EYS: variants seen among roughly 807,000 people sequenced by gnomAD.
EYS encodes EGF-like photoreceptor maintenance factor.
EYS carries 250 observed loss-of-function variants against 282.1 expected under a neutral mutation model. That is an observed-to-expected ratio of 0.89 (90% confidence interval 0.80 to 0.98). The LOEUF (loss-of-function observed/expected upper bound fraction) is 0.98, where lower values mean the gene tolerates loss of function less well. Among genes scored for constraint, EYS ranks in the 50% least tolerant of loss-of-function variants. The pLI is 0.00. For synonymous variants in EYS, 1,355 were observed against 1,282.9 expected (o/e 1.06, Z -1.20); for missense variants, 4,016 against 3,709.0 (o/e 1.08, Z -2.15).
intron 1 of EYS, among the ~76,000 whole-genome samples, chr6:65,674,625 T>G (rs1369717454): frequency 6.6e-6 from 1 of 151,966 alleles, no homozygotes; most frequent in Non-Finnish European, 1.5e-5. Flanking sequence ...AAGATTACTA[T>G]ATGGAACAAA....
chr6:65,173,203 G>T (rs1215570807), intron 12 of EYS, among the ~76,000 whole-genome samples: 1 of 151,146 alleles, frequency 6.6e-6, no homozygotes, highest in Non-Finnish European at 1.5e-5. Context: ...CATTTGTTAT[G>T]CTATAAAAAA....
chr6:65,476,633 G>A (rs548823983), intron 5 of EYS, among the ~76,000 whole-genome samples: 3 of 151,984 alleles, frequency 2.0e-5, no homozygotes, highest in East Asian at 1.9e-4. Context: ...CTGAAGTGCA[G>A]TGGTGCGATC....
chr6:64,718,520 T>A (rs1187558745), intron 22 of EYS, among the ~76,000 whole-genome samples: 16 of 152,174 alleles, frequency 1.1e-4, no homozygotes, highest in African/African-American at 3.9e-4. Context: ...AGTTTATCAT[T>A]TTTTCAAATG....
chr6:63,822,691 C>T (rs1056102376), intron 36 of EYS: 1 of 152,094 alleles, frequency 6.6e-6, no homozygotes, highest in African/African-American at 2.4e-5. Flanking sequence ...GTTATACAAC[C>T]AACAAAAATA....
At chr6:64,598,509 A>G (rs1766659620) in intron 24 of EYS, among the ~76,000 whole-genome samples, 1 of 152,138 alleles carries the variant, frequency 6.6e-6, no homozygotes, top group African/African-American at 2.4e-5. Context: ...CCAAGATGAT[A>G]TAGTAATTTC....
intron 2 of EYS, among the ~76,000 whole-genome samples, chr6:65,560,325 A>T (rs1186232540): frequency 1.6e-5 from 2 of 125,734 alleles, no homozygotes; most frequent in African/African-American, 3.9e-5. Context: ...TTATTAATAT[A>T]ACATATAATA....
intron 10 of EYS, among the ~76,000 whole-genome samples, chr6:65,337,153 G>T (rs1452331680): frequency 6.6e-6 from 1 of 151,446 alleles, no homozygotes; most frequent in Non-Finnish European, 1.5e-5. Flanking sequence ...AGAATCAAAT[G>T]AGAATCTGTC....
chr6:63,772,766 G>A (rs6928683), intron 40 of EYS, among the ~76,000 whole-genome samples: 21,632 of 151,938 alleles, frequency 0.14, 1,741 homozygotes, highest in African/African-American at 0.22. Context: ...AATAAAAACT[G>A]TAAAGCAAAT....
chr6:64,678,398 C>G (rs150112647), intron 22 of EYS, among the ~76,000 whole-genome samples: 1 of 150,520 alleles, frequency 6.6e-6, no homozygotes, highest in Non-Finnish European at 1.5e-5. Flanking sequence ...GCCAACATGG[C>G]GAAACCCCAT....
At chr6:65,122,101 AAG>A (rs1367942338) in intron 12 of EYS, among the ~76,000 whole-genome samples, 1 of 152,152 alleles carries the variant, frequency 6.6e-6, no homozygotes, top group Non-Finnish European at 1.5e-5. Context: ...GGTGTAATGG[AAG>A]AGGTCTCATA....
At chr6:65,379,880 G>T (rs9345614) in intron 8 of EYS, among the ~76,000 whole-genome samples, 4 of 151,290 alleles carry the variant, frequency 2.6e-5, no homozygotes, top group African/African-American at 9.7e-5. Flanking sequence ...GCTACAAAGA[G>T]AATAAAATAC....
chr6:65,700,923 T>A (rs1769652051), intron 1 of EYS, among the ~76,000 whole-genome samples: 1 of 152,210 alleles, frequency 6.6e-6, no homozygotes, highest in South Asian at 2.1e-4. Flanking sequence ...CAGCCTTGTT[T>A]GGGGACCAAT....
intron 2 of EYS, among the ~76,000 whole-genome samples, chr6:65,585,762 TAGA>T (rs1351898267): frequency 1.3e-5 from 2 of 151,948 alleles, no homozygotes; most frequent in African/African-American, 2.4e-5. Flanking sequence ...AAAAGATTAA[TAGA>T]AGATTTTAAT....
intron 12 of EYS, among the ~76,000 whole-genome samples, chr6:65,222,086 TG>T (rs1443554823): frequency 6.6e-6 from 1 of 152,142 alleles, no homozygotes; most frequent in Non-Finnish European, 1.5e-5. Context: ...GCATTATAGG[TG>T]GAAGGGACTT....
At chr6:64,686,807 GTGTATATATATA>G (rs1562133861) in intron 22 of EYS, among the ~76,000 whole-genome samples, 483 of 43,376 alleles carry the variant, frequency 0.011, 93 homozygotes, top group African/African-American at 0.033. Flanking sequence ...ATATATATGT[GTGTATATATATA>G]TGTGTATATA....
intron 30 of EYS, among the ~76,000 whole-genome samples, chr6:64,287,578 T>G (rs1463488200): frequency 6.6e-6 from 1 of 152,080 alleles, no homozygotes; most frequent in Non-Finnish European, 1.5e-5. Context: ...CCTTTGCAAA[T>G]GTCAACAATA....
At chr6:64,092,905 T>C (rs1194462369) in intron 31 of EYS, among the ~76,000 whole-genome samples, 1 of 151,382 alleles carries the variant, frequency 6.6e-6, no homozygotes, top group African/African-American at 2.4e-5. Flanking sequence ...TTTAAGTCTT[T>C]AATCCATCTT....
At chr6:64,046,777 T>C (rs186929061) in intron 33 of EYS, among the ~76,000 whole-genome samples, 15 of 152,328 alleles carry the variant, frequency 9.8e-5, no homozygotes, top group Admixed American at 9.2e-4. Flanking sequence ...TCAGAATATT[T>C]CTTTGCCTGA....
chr6:63,994,260 C>T (rs1052797924), intron 34 of EYS, among the ~76,000 whole-genome samples: 10 of 151,850 alleles, frequency 6.6e-5, no homozygotes, highest in African/African-American at 9.7e-5. Flanking sequence ...TATAATTACA[C>T]GGCATTAAAA....
Sources: gnomAD v4.1 joint callset for allele counts (sites outside exome capture counted in the v4.1 genomes callset) on GRCh38, gnomAD v4.1.1 for gene constraint, MANE v1.5 for transcripts, NCBI Gene and HGNC (gene_info 2026-07-23, HGNC 2026-07-21) for gene names.